The following CDH18 variants were observed in gnomAD, a reference collection of about 807,000 sequenced individuals.
CDH18 encodes the protein cadherin-18.
Under a neutral mutation model 67.9 loss-of-function variants are expected in CDH18, and 31 were observed. The ratio of observed to expected loss-of-function variants is 0.46; its 90% CI spans 0.34 to 0.62. The LOEUF (loss-of-function observed/expected upper bound fraction) is 0.62, where lower values mean the gene tolerates loss of function less well. CDH18 is among the 20% of genes least tolerant of loss of function. CDH18 has a pLI of 0.01. For synonymous variants in CDH18, 362 were observed against 347.2 expected (o/e 1.04, Z -0.48); for missense variants, 890 against 975.5 (o/e 0.91, Z 1.17).
rs548910755 is a variant in CDH18 at position 20,185,047 on chromosome 5, G to A, written c.-518+70397C>T. Among the ~76,000 whole-genome samples, 67 of 151,968 alleles carry A rather than the reference G, an allele frequency of 4.4e-4. No individual in the cohort carries two copies. The East Asian group carries it at 4.7e-3, about 11-fold the overall frequency. On this transcript the variant is annotated intron_variant, in intron 2 of 14. Coordinates refer to the CDH18 transcript ENST00000507958. ...TCATTAGTGTATTTGCTATATTTCC[G>A]TCTCAGTTTGATCTCTCAAGAAATA...
intron 1 of CDH18, among the ~76,000 whole-genome samples, chr5:20,353,326 T>C (rs1446112703): frequency 6.6e-6 from 1 of 152,200 alleles, no homozygotes; most frequent in African/African-American, 2.4e-5. Flanking sequence ...TTTCAGAGAT[T>C]GCTTTTCAAT....
At chr5:19,932,118 A>C (rs1230309272) in intron 2 of CDH18, among the ~76,000 whole-genome samples, 1 of 151,858 alleles carries the variant, frequency 6.6e-6, no homozygotes, top group Non-Finnish European at 1.5e-5. Flanking sequence ...ACCAATGAGA[A>C]TGAACTGTAG....
intron 2 of CDH18, among the ~76,000 whole-genome samples, chr5:20,153,668 G>T (rs1454805010): frequency 6.6e-6 from 1 of 152,154 alleles, no homozygotes; most frequent in Non-Finnish European, 1.5e-5. Context: ...TTCTAGAAAG[G>T]CTTCTCTTCC....
At chr5:19,540,896 GT>G (rs1456106334) in intron 9 of CDH18, among the ~76,000 whole-genome samples, 3 of 152,154 alleles carry the variant, frequency 2.0e-5, no homozygotes, top group African/African-American at 7.2e-5. Flanking sequence ...TTGTCTTGGT[GT>G]TTAACATTTG....
chr5:19,873,501 A>T (rs1474617854), intron 2 of CDH18, among the ~76,000 whole-genome samples: 1 of 152,194 alleles, frequency 6.6e-6, no homozygotes, highest in African/African-American at 2.4e-5. Flanking sequence ...GAAAATGAAA[A>T]GGCACATAGA....
chr5:19,872,683 C>T lies in CDH18; in HGVS notation c.-256-33441G>A. 1.3e-5 allele frequency among the ~76,000 whole-genome samples: 2 copies of T among 152,178 alleles called. 1 individual carries two copies. Among genetic ancestry groups the T allele is most frequent in the Non-Finnish European group, 2.9e-5 (2 of 68,034 alleles). ...AACTTGATTGAAGCCTTGTGAGATC[C>T]TGAGCAGAGCTTCAGTTAAGTCAGC... is the stretch of plus-strand genomic sequence containing the variant. On this transcript the variant is annotated intron_variant, in intron 2 of 12. Transcript: ENST00000382275.
intron 1 of CDH18, among the ~76,000 whole-genome samples, chr5:20,366,366 T>C (rs1341651717): frequency 6.6e-6 from 1 of 152,200 alleles, no homozygotes; most frequent in African/African-American, 2.4e-5. Context: ...TTTTTCCTGT[T>C]CCACTTTTTT....
intron 9 of CDH18, among the ~76,000 whole-genome samples, chr5:19,536,693 A>T (rs921578190): frequency 6.6e-6 from 1 of 152,192 alleles, no homozygotes; most frequent in Non-Finnish European, 1.5e-5. Context: ...AGCATGAATG[A>T]GAAACAGATG....
chr5:19,735,253 A>G (rs970154386), intron 4 of CDH18, among the ~76,000 whole-genome samples: 6 of 152,122 alleles, frequency 3.9e-5, no homozygotes, highest in Admixed American at 3.3e-4. Flanking sequence ...TGGTTGCTTT[A>G]ATCACATGGA....
upstream of CDH18, among the ~76,000 whole-genome samples, chr5:19,990,521 C>T (rs1799921168): frequency 6.6e-6 from 1 of 152,214 alleles, no homozygotes; most frequent in African/African-American, 2.4e-5. Flanking sequence ...ATTGTCAATA[C>T]TGCCAACCAA....
intron 2 of CDH18, among the ~76,000 whole-genome samples, chr5:19,853,321 CA>C (rs976134215): frequency 1.4e-4 from 22 of 152,028 alleles, no homozygotes; most frequent in Non-Finnish European, 1.5e-5. Context: ...TTAAGGACAC[CA>C]ATGCTATTAG....
At chr5:20,516,654 T>C (rs976105162) in intron 1 of CDH18, among the ~76,000 whole-genome samples, 2 of 151,944 alleles carry the variant, frequency 1.3e-5, no homozygotes, top group African/African-American at 4.8e-5. Flanking sequence ...TTATGTCTTC[T>C]TTCTAATTTA....
chr5:20,300,745 A>G (rs1381352767), intron 1 of CDH18, among the ~76,000 whole-genome samples: 2 of 152,208 alleles, frequency 1.3e-5, no homozygotes, highest in Non-Finnish European at 2.9e-5. Flanking sequence ...AATTGATATT[A>G]CTTCCTAACA....
At chr5:20,281,780 T>C (rs1053254573) in intron 1 of CDH18, among the ~76,000 whole-genome samples, 26 of 152,214 alleles carry the variant, frequency 1.7e-4, no homozygotes, top group African/African-American at 6.0e-4. Context: ...GGGGATGGCA[T>C]TGAATCTATA....
chr5:20,242,353 A>G (rs1424353070), intron 2 of CDH18, among the ~76,000 whole-genome samples: 1 of 151,476 alleles, frequency 6.6e-6, no homozygotes, highest in African/African-American at 2.4e-5. Context: ...ATTTATTACA[A>G]CATCTCCCTT....
At chr5:20,179,665 CA>C (rs1737528582) in intron 2 of CDH18, among the ~76,000 whole-genome samples, 1 of 152,012 alleles carries the variant, frequency 6.6e-6, no homozygotes, top group South Asian at 2.1e-4. Context: ...GGGAATAAAC[CA>C]AGGGAGTCAA....
chr5:19,809,632 C>G (rs978495466), intron 3 of CDH18, among the ~76,000 whole-genome samples: 2 of 152,146 alleles, frequency 1.3e-5, no homozygotes, highest in African/African-American at 4.8e-5. Flanking sequence ...GAAATTGAAA[C>G]TCAAACCTAC....
intron 2 of CDH18, among the ~76,000 whole-genome samples, chr5:20,023,975 C>T (rs938492399): frequency 6.6e-6 from 1 of 152,166 alleles, no homozygotes; most frequent in African/African-American, 2.4e-5. Flanking sequence ...GCTCTTGCTG[C>T]AGTAGAGTCT....
chr5:19,616,362 A>G (rs569034975), intron 5 of CDH18, among the ~76,000 whole-genome samples: 1 of 152,138 alleles, frequency 6.6e-6, no homozygotes, highest in South Asian at 2.1e-4. Flanking sequence ...TAGTGAAAAC[A>G]TCAAGCAGAA....
Sources: allele counts gnomAD v4.1 joint callset (sites outside exome capture counted in the v4.1 genomes callset), GRCh38; gene constraint gnomAD v4.1.1; transcripts MANE v1.5; gene names NCBI Gene and HGNC (gene_info 2026-07-23, HGNC 2026-07-21).